CPA6: variants seen among roughly 807,000 people sequenced by gnomAD.
The protein encoded by CPA6 is carboxypeptidase A6, also known as carboxypeptidase B.
In CPA6, 58 loss-of-function variants were observed where a neutral mutation model predicts 63.3. The observed-to-expected ratio is 0.92, with a 90% CI of 0.74 to 1.14. The LOEUF is 1.14. Ranked by LOEUF, CPA6 falls within the 50% of genes most tolerant of loss-of-function variation. The pLI is 0.00. For synonymous variants in CPA6, 185 were observed against 179.0 expected (o/e 1.03, Z -0.27); for missense variants, 565 against 526.6 (o/e 1.07, Z -0.71).
chr8:67,428,546 C>T (rs555069594), intron 9 of CPA6, among the ~76,000 whole-genome samples: 8 of 152,182 alleles, frequency 5.3e-5, no homozygotes, highest in Admixed American at 3.3e-4. Context: ...TGCAATGGCG[C>T]GATCTCTGCT....
chr8:67,654,123 GTGC>G (rs1383894980), intron 1 of CPA6, among the ~76,000 whole-genome samples: 5 of 152,148 alleles, frequency 3.3e-5, no homozygotes, highest in African/African-American at 1.2e-4. Context: ...GCTTTTTGAT[GTGC>G]TGCTGGATTC....
chr8:67,585,555 T>C (rs939532648), intron 2 of CPA6, among the ~76,000 whole-genome samples: 4 of 152,160 alleles, frequency 2.6e-5, no homozygotes, highest in Non-Finnish European at 1.5e-5. Flanking sequence ...AGGCTTCTAT[T>C]GTTAGATCCA....
intron 2 of CPA6, among the ~76,000 whole-genome samples, chr8:67,600,163 T>A (rs981832499): frequency 1.3e-5 from 2 of 152,160 alleles, no homozygotes; most frequent in African/African-American, 4.8e-5. Context: ...AAAGAAGACA[T>A]TTATGCAGCC....
intron 6 of CPA6, among the ~76,000 whole-genome samples, chr8:67,485,214 T>C (rs1236051733): frequency 6.6e-6 from 1 of 152,218 alleles, no homozygotes; most frequent in Non-Finnish European, 1.5e-5. Context: ...AATTGTCTAA[T>C]TAGTAGCAGC....
intron 8 of CPA6, among the ~76,000 whole-genome samples, chr8:67,462,417 T>C (rs114947116): frequency 1.3e-5 from 2 of 152,338 alleles, no homozygotes; most frequent in African/African-American, 4.8e-5. Context: ...TAGTCCTCTG[T>C]TGAGCATTTG....
At chr8:67,461,591 G>A (rs879564737) in intron 8 of CPA6, among the ~76,000 whole-genome samples, 16 of 152,340 alleles carry the variant, frequency 1.1e-4, no homozygotes, top group South Asian at 4.1e-4. Flanking sequence ...CCTCCCAGAC[G>A]GGGTGGTGGC....
intron 8 of CPA6, among the ~76,000 whole-genome samples, chr8:67,456,785 G>T (rs1349515199): frequency 6.6e-6 from 1 of 152,168 alleles, no homozygotes; most frequent in Non-Finnish European, 1.5e-5. Flanking sequence ...GATTATTCCG[G>T]ATTATCTGAA....
Position 67,712,364 on chromosome 8 carries a change from A to C in CPA6, c.116+33650T>G, listed in dbSNP as rs909460995. Among the ~76,000 whole-genome samples the C allele has an allele frequency of 2.0e-5, 3 of 152,300 alleles. No homozygotes were observed. The South Asian group carries it at 6.2e-4, about 32-fold the overall frequency. ...TGGGGTGGTAACAGAGAATTTTATC[A>C]GGGACTAAAATCAGCAAATCACATG... On this transcript the variant is annotated intron_variant, in intron 1 of 10. Transcript: ENST00000297770.
intron 8 of CPA6, among the ~76,000 whole-genome samples, chr8:67,457,177 C>A (rs1165141384): frequency 6.6e-6 from 1 of 152,198 alleles, no homozygotes; most frequent in East Asian, 1.9e-4. Flanking sequence ...CGTTTATTTA[C>A]CCCTACACAG....
chr8:67,446,513 T>C (rs944521641), intron 8 of CPA6, among the ~76,000 whole-genome samples: 1 of 152,154 alleles, frequency 6.6e-6, no homozygotes, highest in African/African-American at 2.4e-5. Flanking sequence ...ATCTGAAATA[T>C]ATTTTTTAAA....
At chr8:67,598,534 G>A (rs967590978) in intron 2 of CPA6, among the ~76,000 whole-genome samples, 2 of 151,862 alleles carry the variant, frequency 1.3e-5, no homozygotes, top group African/African-American at 2.4e-5. Flanking sequence ...AGTAACAATC[G>A]CTACTTAATT....
intron 3 of CPA6, among the ~76,000 whole-genome samples, chr8:67,514,481 T>C (rs1373248836): frequency 6.6e-6 from 1 of 152,202 alleles, no homozygotes; most frequent in African/African-American, 2.4e-5. Flanking sequence ...GCTACAGTAC[T>C]AAAAGTCAAT....
chr8:67,539,623 T>C (rs927885961), intron 2 of CPA6, among the ~76,000 whole-genome samples: 2 of 152,226 alleles, frequency 1.3e-5, no homozygotes, highest in Non-Finnish European at 1.5e-5. Context: ...CCCGTCACTT[T>C]CAGGTATGCC....
At chr8:67,605,080 G>GTT (rs34741776) in intron 2 of CPA6, among the ~76,000 whole-genome samples, 17,367 of 144,884 alleles carry the variant, frequency 0.12, 1,267 homozygotes, top group South Asian at 0.2. Context: ...GCCCAGCCAC[G>GTT]TTTTTTTTTT....
At chr8:67,578,763 T>C (rs1480581763) in intron 2 of CPA6, among the ~76,000 whole-genome samples, 6 of 152,206 alleles carry the variant, frequency 3.9e-5, no homozygotes, top group African/African-American at 1.4e-4. Flanking sequence ...TGTTACATAA[T>C]TAAAAACATC....
chr8:67,458,638 A>G (rs1810731206), intron 8 of CPA6, among the ~76,000 whole-genome samples: 1 of 152,264 alleles, frequency 6.6e-6, no homozygotes, highest in South Asian at 2.1e-4. Flanking sequence ...AATGGGAGAG[A>G]ACATTTGCAA....
At chr8:67,740,751 G>A (rs1006376855) in intron 1 of CPA6, among the ~76,000 whole-genome samples, 2 of 152,022 alleles carry the variant, frequency 1.3e-5, no homozygotes, top group African/African-American at 2.4e-5. Flanking sequence ...TGTATTTTTA[G>A]TAGAAACAGG....
intron 1 of CPA6, among the ~76,000 whole-genome samples, chr8:67,688,748 G>T (rs545124056): frequency 6.6e-6 from 1 of 152,202 alleles, no homozygotes; most frequent in Non-Finnish European, 1.5e-5. Flanking sequence ...AAGAACAAAT[G>T]ATTTTAACAT....
At chr8:67,557,001 C>T (rs761375459) in intron 2 of CPA6, among the ~76,000 whole-genome samples, 16 of 152,070 alleles carry the variant, frequency 1.1e-4, no homozygotes, top group Admixed American at 2.6e-4. Context: ...TTGGGGGAGA[C>T]GATAATAAAA....
Sources: gnomAD v4.1 joint callset for allele counts (sites outside exome capture counted in the v4.1 genomes callset) on GRCh38, gnomAD v4.1.1 for gene constraint, MANE v1.5 for transcripts, NCBI Gene and HGNC (gene_info 2026-07-23, HGNC 2026-07-21) for gene names.